The following NBEA variants were observed in gnomAD, a reference collection of about 807,000 sequenced individuals.
The protein encoded by NBEA is lysosomal-trafficking regulator 2.
Under a neutral mutation model 343.4 loss-of-function variants are expected in NBEA, and 44 were observed. The observed-to-expected ratio is 0.13, with a 90% CI of 0.10 to 0.16. NBEA has a LOEUF of 0.16. NBEA is among the 10% of genes least tolerant of loss of function. The pLI, the probability that NBEA is intolerant of heterozygous loss-of-function variation, is 1.00. For synonymous variants in NBEA, 1,175 were observed against 1,238.7 expected (o/e 0.95, Z 1.08); for missense variants, 2,555 against 3,631.3 (o/e 0.70, Z 7.62).
At chr13:35,624,623 T>C (rs1009540453) in intron 48 of NBEA, among the ~76,000 whole-genome samples, 2 of 152,016 alleles carry the variant, frequency 1.3e-5, no homozygotes, top group Non-Finnish European at 2.9e-5. Flanking sequence ...GAATAAATTC[T>C]AGCACATATT....
At chr13:35,310,822 T>C (rs1038691332) in intron 36 of NBEA, among the ~76,000 whole-genome samples, 2 of 152,174 alleles carry the variant, frequency 1.3e-5, no homozygotes, top group African/African-American at 4.8e-5. Context: ...GTATATAAAA[T>C]TTATCTTTTC....
intron 46 of NBEA, among the ~76,000 whole-genome samples, chr13:35,586,108 A>T (rs1377759526): frequency 6.6e-6 from 1 of 152,308 alleles, no homozygotes; most frequent in South Asian, 2.1e-4. Context: ...ACTCTATTGT[A>T]TGGGGCTGAT....
At chr13:35,071,631 CATA>C (rs1358837264) in intron 10 of NBEA, among the ~76,000 whole-genome samples, 1 of 151,808 alleles carries the variant, frequency 6.6e-6, no homozygotes, top group African/African-American at 2.4e-5. Flanking sequence ...CCAAAAGTAA[CATA>C]GTAGTGCTTC....
chr13:34,993,089 A>G lies in NBEA; in HGVS notation c.295-47844A>G, dbSNP rs576139064. Among the ~76,000 whole-genome samples the G allele has an allele frequency of 4.4e-4, 67 of 152,224 alleles. No homozygotes were observed. The South Asian group carries it at 0.012, about 28-fold the overall frequency. ...TACTCGCTCCTCTCTCCACTTTGCT[A>G]TCTATACTGCAAACACACTAGCCAT... On this transcript the variant is annotated intron_variant, in intron 1 of 58. Transcript: ENST00000379939.
chr13:35,076,595 A>G (rs1566246534), intron 10 of NBEA, among the ~76,000 whole-genome samples: 1 of 151,426 alleles, frequency 6.6e-6, no homozygotes, highest in Non-Finnish European at 1.5e-5. Flanking sequence ...TTGTCTTGTT[A>G]CAAGGTTTAT....
chr13:35,015,190 A>G lies in NBEA; in HGVS notation c.295-25743A>G, dbSNP rs993226358. ...AAAGCAGGGGCCTAGATCTCTTTCC[A>G]TTTAACCCCATTGAATCTGATTTGA... is the stretch of plus-strand genomic sequence containing the variant. On this transcript the variant is annotated intron_variant, in intron 1 of 58. Transcript: ENST00000379939. Among the ~76,000 whole-genome samples, 18 of 148,112 alleles carry G rather than the reference A, an allele frequency of 1.2e-4. No homozygotes were observed. In the South Asian group the frequency reaches 1.9e-3, roughly 16 times the overall value.
intron 34 of NBEA, among the ~76,000 whole-genome samples, chr13:35,272,205 A>C (rs1318414337): frequency 6.6e-6 from 1 of 152,212 alleles, no homozygotes; most frequent in African/African-American, 2.4e-5. Flanking sequence ...AATATTCAAC[A>C]TTCTTGAAGA....
intron 49 of NBEA, among the ~76,000 whole-genome samples, chr13:35,640,186 A>G (rs1001954407): frequency 2.0e-5 from 3 of 152,218 alleles, no homozygotes; most frequent in Admixed American, 2.0e-4. Flanking sequence ...AGCACACATT[A>G]TATTTATCGA....
chr13:35,383,740 G>A, intron 38 of NBEA, among the ~76,000 whole-genome samples: 1 of 151,952 alleles, frequency 6.6e-6, no homozygotes, highest in Non-Finnish European at 1.5e-5. Context: ...CAGAAGTTAG[G>A]AAAATGAACA....
intron 40 of NBEA, among the ~76,000 whole-genome samples, chr13:35,470,740 G>C (rs1207709746): frequency 1.3e-5 from 2 of 152,220 alleles, no homozygotes; most frequent in African/African-American, 2.4e-5. Context: ...TGGGGGATTC[G>C]GAGGAGGGCG....
chr13:35,556,176 C>G (rs989432493), intron 44 of NBEA, among the ~76,000 whole-genome samples: 11 of 151,666 alleles, frequency 7.3e-5, no homozygotes, highest in African/African-American at 2.7e-4. Flanking sequence ...TTGAATAAAC[C>G]TGTTTACTCC....
At chr13:35,144,337 C>T (rs1055658111) in intron 18 of NBEA, among the ~76,000 whole-genome samples, 13 of 151,994 alleles carry the variant, frequency 8.6e-5, no homozygotes, top group African/African-American at 3.1e-4. Context: ...TAGTTTTACT[C>T]CAAATATGGG....
chr13:34,960,739 A>ATGTATGTG, intron 1 of NBEA, among the ~76,000 whole-genome samples: 1 of 152,126 alleles, frequency 6.6e-6, no homozygotes, highest in African/African-American at 2.4e-5. Context: ...CATAGAGCCT[A>ATGTATGTG]TGTATGTGGG....
chr13:35,268,340 G>T (rs747119858), intron 34 of NBEA, among the ~76,000 whole-genome samples: 1 of 152,034 alleles, frequency 6.6e-6, no homozygotes, highest in Non-Finnish European at 1.5e-5. Flanking sequence ...GTGGTGGCCA[G>T]GGGCTGCAGG....
intron 34 of NBEA, among the ~76,000 whole-genome samples, chr13:35,279,422 T>C (rs1022471289): frequency 5.9e-5 from 9 of 152,326 alleles, no homozygotes; most frequent in Admixed American, 1.3e-4. Context: ...TTTCTTTGAC[T>C]GAATTAAAAA....
At chr13:34,946,621 C>A (rs1344177714) in intron 1 of NBEA, among the ~76,000 whole-genome samples, 1 of 149,696 alleles carries the variant, frequency 6.7e-6, no homozygotes, top group East Asian at 2.0e-4. Context: ...GAAATTTTTT[C>A]ATGGATTTGT....
chr13:35,429,410 C>A (rs576772448), intron 38 of NBEA, among the ~76,000 whole-genome samples: 23 of 152,104 alleles, frequency 1.5e-4, no homozygotes, highest in Non-Finnish European at 2.6e-4. Context: ...TGCTAAACTG[C>A]TGTTTTTTTT....
chr13:35,171,187 G>A (rs2070437170), intron 25 of NBEA, 85 bp from the exon 26 acceptor site: 1 of 983,484 alleles, frequency 1.0e-6, no homozygotes, highest in African/African-American at 1.6e-5. Flanking sequence ...CTAAATTTAT[G>A]TTCACTTGTA....
At chr13:35,476,629 G>T in intron 41 of NBEA, 1 of 499,974 alleles carries the variant, frequency 2.0e-6, no homozygotes, top group South Asian at 2.4e-5. Flanking sequence ...AGTGTGCTGA[G>T]TGTGTGTCCG....
Sources: allele counts gnomAD v4.1 joint callset (sites outside exome capture counted in the v4.1 genomes callset), GRCh38; gene constraint gnomAD v4.1.1; transcripts MANE v1.5; gene names NCBI Gene and HGNC (gene_info 2026-07-23, HGNC 2026-07-21).